Variants in USPL1 observed in about 807,000 individuals in gnomAD.
USPL1 encodes the protein ubiquitin specific peptidase like 1.
In USPL1, 27 loss-of-function variants were observed where a neutral mutation model predicts 51.5. That is an observed-to-expected ratio of 0.52 (90% CI 0.39 to 0.72). The LOEUF (loss-of-function observed/expected upper bound fraction) is 0.72. Among genes scored for constraint, USPL1 ranks in the 30% least tolerant of loss-of-function variants. The pLI, the probability that USPL1 is intolerant of heterozygous loss-of-function variation, is 0.00. For missense variants in USPL1, 1,226 were observed against 1,268.0 expected (o/e 0.97, Z 0.50); for synonymous variants, 451 against 459.6 (o/e 0.98, Z 0.24).
intron 3 of USPL1, among the ~76,000 whole-genome samples, chr13:30,625,350 G>A (rs1270552211): frequency 6.6e-6 from 1 of 152,062 alleles, no homozygotes; most frequent in East Asian, 1.9e-4. Flanking sequence ...GATCAGGACT[G>A]TAAGAATAGA....
Position 30,641,632 on chromosome 13 carries a change from T to A in USPL1, c.983-996T>A, listed in dbSNP as rs1459943253. On this transcript the variant is annotated intron_variant, in intron 5 of 8. Coordinates refer to ENST00000255304, the MANE Select transcript of USPL1 (RefSeq NM_005800.5). ...TTACCTTACTTTCCAGTCTCAAAGC[T>A]GGAAGCCAGCATTCACTGTTCAGTT... 4.6e-5 allele frequency among the ~76,000 whole-genome samples: 7 copies of A among 152,352 alleles called. No individual in the cohort carries two copies. The South Asian group carries it at 1.4e-3, about 32-fold the overall frequency.
chr13:30,642,228 T>TG (rs974198127), intron 5 of USPL1, among the ~76,000 whole-genome samples: 5 of 152,296 alleles, frequency 3.3e-5, no homozygotes, highest in African/African-American at 9.6e-5. Flanking sequence ...CCCAGTGTGC[T>TG]GGGATTACAA....
intron 4 of USPL1, among the ~76,000 whole-genome samples, chr13:30,636,800 T>A (rs1950882157): frequency 6.6e-6 from 1 of 152,220 alleles, no homozygotes; most frequent in Non-Finnish European, 1.5e-5. Flanking sequence ...CTCAGGAGGT[T>A]GAGGCTGCAA....
Position 30,659,123 on chromosome 13 carries a change from C to A in USPL1, c.3046C>A (p.Gln1016Lys). The A allele has an allele frequency of 6.2e-7, 1 of 1,614,102 alleles. No homozygotes were observed. The highest frequency in any genetic ancestry group is 8.5e-7 in the Non-Finnish European group (1 of 1,180,020). Residue 1016 changes from glutamine (Q) to lysine (K), a missense_variant, in exon 9 of 9, where the codon CAG becomes AAG. Gln to Lys is a moderately conservative substitution (Grantham distance 53, BLOSUM62 1). Coordinates refer to ENST00000255304, the MANE Select transcript of USPL1 (RefSeq NM_005800.5). ...PVPSEFNDVS[Q>K]NTHLRQDHNY... The stretch of plus-strand genomic sequence containing the variant: ...ACCAAGTGAATTCAATGATGTTTCC[C>A]AGAACACACATCTGAGACAGGACCA...
intron 7 of USPL1, 145 bp downstream of exon 7, chr13:30,647,202 C>T: frequency 2.1e-6 from 2 of 948,436 alleles, no homozygotes; most frequent in South Asian, 1.7e-5. Flanking sequence ...AGCTGCCTCG[C>T]TCTATCTGGC....
intron 4 of USPL1, among the ~76,000 whole-genome samples, chr13:30,633,985 C>T (rs1038452130): frequency 6.6e-6 from 1 of 152,110 alleles, no homozygotes; most frequent in Admixed American, 6.5e-5. Context: ...TCTTTCTTCG[C>T]AGTTTCATGG....
In USPL1 at chr13:30,658,207, T is replaced by C. The variant is rs1005244625; in HGVS notation, c.2130T>C (p.Thr710=). The C allele has an allele frequency of 6.2e-7, 1 of 1,611,484 alleles. No homozygotes were observed. Among genetic ancestry groups the C allele is most frequent in the African/African-American group, 1.3e-5 (1 of 74,700 alleles). ...AQLKQFLTPK[T]EQLKPERVTS... is the part of the protein sequence containing the mutation. The stretch of plus-strand genomic sequence containing the variant: ...TAAAACAATTCCTTACACCAAAAAC[T>C]GAACAATTAAAACCAGAACGTGTCA... Residue 710 remains threonine (T), a synonymous_variant, in exon 9 of 9, where the codon ACT becomes ACC. Coordinates refer to ENST00000255304, the MANE Select transcript of USPL1 (RefSeq NM_005800.5).
intron 6 of USPL1, among the ~76,000 whole-genome samples, chr13:30,644,213 G>A (rs1950987381): frequency 6.6e-6 from 1 of 151,928 alleles, no homozygotes; most frequent in Non-Finnish European, 1.5e-5. Flanking sequence ...AAACCCGAAG[G>A]TGGAGGTTGC....
chr13:30,641,453 G>A lies in USPL1; in HGVS notation c.983-1175G>A, dbSNP rs559815742. Among the ~76,000 whole-genome samples, 3 of 152,280 alleles carry A rather than the reference G, an allele frequency of 2.0e-5. No individual in the cohort carries two copies. In the South Asian group the frequency reaches 6.2e-4, roughly 32 times the overall value. ...TAGTTCCAGGCTAGGGGGAGAACTG[G>A]ACCATGGAAGTGAGGCTCTGTGCAG... On this transcript the variant is annotated intron_variant, in intron 5 of 8. Coordinates refer to ENST00000255304, the MANE Select transcript of USPL1 (RefSeq NM_005800.5).
At position 30,631,075 on chromosome 13, in the gene USPL1, AGTG is replaced by A; in HGVS notation, c.472_474del (p.Gly158del). ...AACCTCGTCAAACTTACCTGATAGT[AGTG>A]GTCAACAGAATCCAATTAGGACAGC... On this transcript the variant is annotated inframe_deletion, in exon 4 of 9. Transcript: ENST00000255304. 1 of 1,614,214 alleles carries A rather than the reference AGTG, an allele frequency of 6.2e-7. No individual in the cohort carries two copies. Among genetic ancestry groups the A allele is most frequent in the Non-Finnish European group, 8.5e-7 (1 of 1,180,036 alleles).
intron 2 of USPL1, 108 bp from the exon 3 acceptor site, chr13:30,621,656 T>C: frequency 1.1e-6 from 1 of 884,524 alleles, no homozygotes; most frequent in Non-Finnish European, 1.5e-6. Flanking sequence ...GTCAGGATAC[T>C]TGTAATTGAA....
chr13:30,628,404 T>C (rs911034047), intron 3 of USPL1, among the ~76,000 whole-genome samples: 3 of 152,206 alleles, frequency 2.0e-5, no homozygotes, highest in African/African-American at 7.2e-5. Context: ...TTTATTTTAT[T>C]ATACTTTAAG....
At position 30,630,096 on chromosome 13, in the gene USPL1, C is replaced by A. The variant is rs1950780697; in HGVS notation, c.229-739C>A. On this transcript the variant is annotated intron_variant, in intron 3 of 8. Coordinates refer to ENST00000255304, the MANE Select transcript of USPL1 (RefSeq NM_005800.5). ...GGCTTAAGCAATCCTCCCATCTCAG[C>A]CTCCCAAGTAGCTGGGAATACGGGA... 4.6e-5 allele frequency among the ~76,000 whole-genome samples: 7 copies of A among 152,256 alleles called. No individual in the cohort carries two copies. The South Asian group carries it at 1.4e-3, about 32-fold the overall frequency.
At chr13:30,636,480 G>C (rs957061845) in intron 4 of USPL1, among the ~76,000 whole-genome samples, 1 of 152,066 alleles carries the variant, frequency 6.6e-6, no homozygotes, top group East Asian at 1.9e-4. Flanking sequence ...TTATTTATAA[G>C]AGATGTGAGT....
intron 3 of USPL1, 39 bp from the exon 4 acceptor site, chr13:30,630,796 A>C (rs911444880): frequency 2.0e-6 from 3 of 1,526,294 alleles, no homozygotes; most frequent in Non-Finnish European, 2.6e-6. Flanking sequence ...AAGTTATTTG[A>C]ATTTGTGTAG....
At chr13:30,622,664 T>C (rs1429112940) in intron 3 of USPL1, among the ~76,000 whole-genome samples, 1 of 152,214 alleles carries the variant, frequency 6.6e-6, no homozygotes, top group Non-Finnish European at 1.5e-5. Context: ...CAGAATTACC[T>C]GGAGTGCTTT....
In USPL1 at chr13:30,653,185, T is replaced by G. The variant is rs1439028289; in HGVS notation, c.1276T>G (p.Leu426Val). The G allele has an allele frequency of 1.9e-6, 3 of 1,611,636 alleles. No individual in the cohort carries two copies. Among genetic ancestry groups the G allele is most frequent in the African/African-American group, 2.7e-5 (2 of 74,894 alleles). ...ATTCATGTTGCACTTTGTAGAAGGC[T>G]TACCACAGAATGACTTGCAGCACTA... The part of the protein sequence containing the change: ...PIFMLHFVEG[L>V]PQNDLQHYAF... The change falls in exon 8 of 9, where the codon TTA (leucine) becomes GTA (valine). Residue 426 changes from leucine (L) to valine (V), a missense_variant. Leu to Val is a conservative substitution (Grantham distance 32). Transcript: ENST00000255304.
At chr13:30,631,646 G>A (rs1950807840) in intron 4 of USPL1, among the ~76,000 whole-genome samples, 172 bp downstream of exon 4, 2 of 152,032 alleles carry the variant, frequency 1.3e-5, no homozygotes, top group African/African-American at 2.4e-5. Context: ...AACTACAGTC[G>A]TGCACCACCA....
chr13:30,656,954 C>A (rs1480277408), intron 8 of USPL1, among the ~76,000 whole-genome samples: 1 of 151,858 alleles, frequency 6.6e-6, no homozygotes, highest in Admixed American at 6.6e-5. Context: ...CATAAGGACC[C>A]CTCTCCCTAT....
Sources: gnomAD v4.1 joint callset for allele counts (sites outside exome capture counted in the v4.1 genomes callset) on GRCh38, gnomAD v4.1.1 for gene constraint, MANE v1.5 for transcripts, NCBI Gene and HGNC (gene_info 2026-07-23, HGNC 2026-07-21) for gene names.